Variants in GPR107 observed in about 807,000 individuals in gnomAD.
GPR107 encodes the protein protein GPR107.
Under a neutral mutation model 75.5 loss-of-function variants are expected in GPR107, and 31 were observed. The ratio of observed to expected loss-of-function variants is 0.41; its 90% CI spans 0.31 to 0.55. GPR107 has a LOEUF of 0.55. Among genes scored for constraint, GPR107 ranks in the 20% least tolerant of loss-of-function variants. The pLI is 0.26. For missense variants in GPR107, 572 were observed against 665.7 expected (o/e 0.86, Z 1.55); for synonymous variants, 267 against 251.3 (o/e 1.06, Z -0.59).
intron 8 of GPR107, among the ~76,000 whole-genome samples, 156 bp downstream of exon 8, chr9:130,091,139 T>C (rs1440834831): frequency 6.6e-6 from 1 of 152,192 alleles, no homozygotes; most frequent in African/African-American, 2.4e-5. Context: ...AGAGGATTCA[T>C]AGGAAAATAC....
chr9:130,121,902 T>C (rs1190202874), intron 14 of GPR107, among the ~76,000 whole-genome samples: 2 of 152,008 alleles, frequency 1.3e-5, no homozygotes, highest in East Asian at 3.9e-4. Flanking sequence ...TATTTTCTTT[T>C]TTTTTTGAGG....
Position 130,092,349 on chromosome 9 carries a change from G to T in GPR107, c.831G>T (p.Gly277=). 6.2e-6 allele frequency: 10 copies of T among 1,611,948 alleles called. No homozygotes were observed. The highest frequency in any genetic ancestry group is 7.6e-6 in the Non-Finnish European group (9 of 1,178,174). ...ISMAFFFFLS[G]TIWIHILRKR... ...TGGCCTTTTTCTTCTTTCTTTCTGG[G>T]ACCATCTGGATTCATATCCTTCGAA... Residue 277 remains glycine, a synonymous_variant, in exon 9 of 18, where the codon GGG becomes GGT. Coordinates refer to ENST00000347136, the MANE Select transcript of GPR107 (RefSeq NM_020960.5).
chr9:130,066,942 C>T (rs559304131), intron 1 of GPR107, among the ~76,000 whole-genome samples: 27 of 151,536 alleles, frequency 1.8e-4, no homozygotes, highest in Non-Finnish European at 3.2e-4. Context: ...GCCGAGATGG[C>T]GCCACTGCAC....
chr9:130,109,859 G>A (rs772817735), intron 14 of GPR107, among the ~76,000 whole-genome samples: 36 of 152,216 alleles, frequency 2.4e-4, no homozygotes, highest in African/African-American at 9.6e-5. Context: ...ATGAGCCCCC[G>A]CGCCCGGCTA....
At chr9:130,105,069 G>A (rs188716231) in intron 13 of GPR107, among the ~76,000 whole-genome samples, 35 of 152,348 alleles carry the variant, frequency 2.3e-4, no homozygotes, top group African/African-American at 8.4e-4. Context: ...TTAGTGTCAA[G>A]TCAGTGGTTG....
chr9:130,066,800 A>T (rs532009209), intron 1 of GPR107, among the ~76,000 whole-genome samples: 3 of 152,258 alleles, frequency 2.0e-5, no homozygotes, highest in Admixed American at 2.0e-4. Flanking sequence ...CCTGGCTAAC[A>T]CGATGAAACC....
At chr9:130,057,614 A>G (rs1829824887) in intron 1 of GPR107, among the ~76,000 whole-genome samples, 2 of 151,948 alleles carry the variant, frequency 1.3e-5, no homozygotes, top group Admixed American at 6.6e-5. Flanking sequence ...GTCACCCTCA[A>G]TAACCATCAA....
At chr9:130,104,748 A>G (rs906131052) in intron 13 of GPR107, among the ~76,000 whole-genome samples, 198 bp downstream of exon 13, 3 of 152,246 alleles carry the variant, frequency 2.0e-5, no homozygotes, top group African/African-American at 7.2e-5. Context: ...GTATTCTGGC[A>G]GAGCTAATCC....
chr9:130,111,521 G>A (rs1831302327), intron 14 of GPR107, among the ~76,000 whole-genome samples: 1 of 152,102 alleles, frequency 6.6e-6, no homozygotes, highest in East Asian at 1.9e-4. Flanking sequence ...AACAGAGCCA[G>A]ACCCTATCTC....
At chr9:130,086,638 G>C (rs774772902) in intron 7 of GPR107, among the ~76,000 whole-genome samples, 162 bp downstream of exon 7, 1 of 152,060 alleles carries the variant, frequency 6.6e-6, no homozygotes, top group Non-Finnish European at 1.5e-5. Flanking sequence ...CCACAAGGTG[G>C]ATATTGTTAC....
chr9:130,073,106 C>T (rs202077065), intron 1 of GPR107, among the ~76,000 whole-genome samples: 11 of 152,162 alleles, frequency 7.2e-5, no homozygotes, highest in Non-Finnish European at 1.2e-4. Flanking sequence ...TCTTCACCTC[C>T]GTCACCACAG....
At chr9:130,090,704 T>C (rs1393204545) in intron 7 of GPR107, among the ~76,000 whole-genome samples, 172 bp from the exon 8 acceptor site, 1 of 152,246 alleles carries the variant, frequency 6.6e-6, no homozygotes, top group East Asian at 1.9e-4. Context: ...AAGCAGTCTG[T>C]CTTTATTTCC....
At chr9:130,066,915 G>A (rs1397662768) in intron 1 of GPR107, among the ~76,000 whole-genome samples, 2 of 152,084 alleles carry the variant, frequency 1.3e-5, no homozygotes, top group East Asian at 1.9e-4. Context: ...GAACCCAGGA[G>A]GCGGAGCTTG....
chr9:130,109,233 C>T (rs1474924966), intron 14 of GPR107, among the ~76,000 whole-genome samples: 5 of 151,714 alleles, frequency 3.3e-5, no homozygotes, highest in East Asian at 1.9e-4. Flanking sequence ...TGCAGTGGCA[C>T]GATCTCTGCT....
chr9:130,068,989 C>T (rs1053749265), intron 1 of GPR107, among the ~76,000 whole-genome samples: 6 of 152,222 alleles, frequency 3.9e-5, no homozygotes, highest in African/African-American at 1.4e-4. Flanking sequence ...ATCTGCCTGC[C>T]TCGGCCTCCC....
intron 10 of GPR107, among the ~76,000 whole-genome samples, chr9:130,099,868 C>CTT (rs71387314): frequency 4.4e-5 from 4 of 90,024 alleles, no homozygotes; most frequent in Admixed American, 1.4e-4. Flanking sequence ...GTTTCCACGA[C>CTT]TTTTTTTTTT....
chr9:130,077,769 CA>C (rs1472267790), intron 4 of GPR107, among the ~76,000 whole-genome samples: 3 of 152,224 alleles, frequency 2.0e-5, no homozygotes, highest in Non-Finnish European at 4.4e-5. Flanking sequence ...TTCTGCCACT[CA>C]CCAGCCCTGT....
intron 13 of GPR107, among the ~76,000 whole-genome samples, 159 bp from the exon 14 acceptor site, chr9:130,107,337 T>TC (rs746423876): frequency 3.3e-5 from 5 of 152,066 alleles, no homozygotes; most frequent in Middle Eastern, 3.4e-3. Context: ...ATCAACCATT[T>TC]CCCCCCCTCT....
chr9:130,095,355 T>C (rs1830838732), intron 9 of GPR107, among the ~76,000 whole-genome samples: 1 of 152,192 alleles, frequency 6.6e-6, no homozygotes, highest in Non-Finnish European at 1.5e-5. Context: ...GCAATAGTCA[T>C]TGTCACTGGT....
Sources: allele counts gnomAD v4.1 joint callset (sites outside exome capture counted in the v4.1 genomes callset), GRCh38; gene constraint gnomAD v4.1.1; transcripts MANE v1.5; gene names NCBI Gene and HGNC (gene_info 2026-07-23, HGNC 2026-07-21).